The following PPP4R3A variants were observed in gnomAD, a reference collection of about 807,000 sequenced individuals.
PPP4R3A encodes protein phosphatase 4 regulatory subunit 3A.
A neutral mutation model predicts 91.7 loss-of-function variants in PPP4R3A; 15 were observed. The ratio of observed to expected loss-of-function variants is 0.16; its 90% confidence interval spans 0.11 to 0.25. PPP4R3A has a LOEUF of 0.25. PPP4R3A is among the 10% of genes least tolerant of loss of function. PPP4R3A has a pLI of 1.00. For missense variants in PPP4R3A, 623 were observed against 998.4 expected (o/e 0.62, Z 5.07); for synonymous variants, 377 against 348.7 (o/e 1.08, Z -0.91).
chr14:91,464,906 A>G (rs1888384158), intron 11 of PPP4R3A, among the ~76,000 whole-genome samples: 1 of 152,194 alleles, frequency 6.6e-6, no homozygotes, highest in African/African-American at 2.4e-5. Context: ...CAAAGGGTTC[A>G]TGCTCCTAGG....
intron 1 of PPP4R3A, among the ~76,000 whole-genome samples, chr14:91,493,167 T>A (rs994133347): frequency 2.0e-5 from 3 of 151,998 alleles, no homozygotes; most frequent in African/African-American, 7.2e-5. Flanking sequence ...GGTGGGCAGA[T>A]CGCTTGAGGT....
chr14:91,462,732 T>C lies in PPP4R3A; in HGVS notation c.1973+3A>G, dbSNP rs1304258377. 6.2e-7 allele frequency: 1 copy of C among 1,613,670 alleles called. No homozygotes were observed. Among genetic ancestry groups the C allele is most frequent in the African/African-American group, 1.3e-5 (1 of 75,050 alleles). On this transcript the variant is annotated splice_donor_region_variant and intron_variant, in intron 12 of 14. Transcript: ENST00000554943. The stretch of plus-strand genomic sequence containing the variant: ...GAATAGGTTTAAATATATGGTAATT[T>C]ACCTGTCAAGTTTGGGATTATCTTG...
At chr14:91,497,115 G>C (rs1432769372) in intron 1 of PPP4R3A, among the ~76,000 whole-genome samples, 1 of 152,118 alleles carries the variant, frequency 6.6e-6, no homozygotes, top group Non-Finnish European at 1.5e-5. Context: ...AGAGATGACA[G>C]GCGAGAAATG....
intron 1 of PPP4R3A, among the ~76,000 whole-genome samples, chr14:91,509,267 G>A (rs1891616860): frequency 6.6e-6 from 1 of 152,162 alleles, no homozygotes; most frequent in Admixed American, 6.5e-5. Context: ...GCTCAAACAC[G>A]CTTGGCTCTC....
chr14:91,483,256 A>T (rs936894328), intron 3 of PPP4R3A, among the ~76,000 whole-genome samples: 1 of 152,220 alleles, frequency 6.6e-6, no homozygotes, highest in East Asian at 1.9e-4. Context: ...ATTAGACCTT[A>T]TATGGAAAAG....
rs1209782812 is a variant in PPP4R3A, at chr14:91,473,024, TTA to T, written c.1501+7_1501+8del. On this transcript the variant is annotated splice_region_variant and intron_variant, in intron 9 of 14. Coordinates refer to ENST00000554943, the MANE Select transcript of PPP4R3A (RefSeq NM_001366432.2). ...CAGAGAACTTAACTACCAACCTGAA[TTA>T]TCTTACCTTTACTAGGTTTGTCTTC... 6 of 1,611,110 alleles carry T rather than the reference TTA, an allele frequency of 3.7e-6. No homozygotes were observed. The highest frequency in any genetic ancestry group is 2.2e-5 in the East Asian group (1 of 44,848).
In PPP4R3A at chr14:91,458,861, G is replaced by A. The variant is rs576861120; in HGVS notation, c.2400C>T (p.Leu800=). 3.4e-5 allele frequency: 54 copies of A among 1,610,764 alleles called. 1 individual carries two copies. In the South Asian group the frequency reaches 5.3e-4, roughly 16 times the overall value. The change falls in exon 15 of 15, where the codon CTC becomes CTT. Residue 800 remains leucine, a synonymous_variant. Coordinates refer to ENST00000554943, the MANE Select transcript of PPP4R3A (RefSeq NM_001366432.2). ...QTAAITTKGG[L]VGLVDYPDDD... is the part of the protein sequence containing the mutation. Reference sequence around the variant, plus strand: ...CATCAGGATAATCTACCAGACCCACGAGGCCTCCCTGTTAAGAAATAAGGA... The same window carrying A: ...CATCAGGATAATCTACCAGACCCACAAGGCCTCCCTGTTAAGAAATAAGGA...
At chr14:91,489,247 TAAC>T (rs1206449615) in intron 2 of PPP4R3A, among the ~76,000 whole-genome samples, 19 of 152,030 alleles carry the variant, frequency 1.2e-4, no homozygotes, top group Admixed American at 7.2e-4. Flanking sequence ...TGGCAGAAAA[TAAC>T]AATCATCTTG....
In PPP4R3A at chr14:91,460,591, A is replaced by C. The variant is rs570027138; in HGVS notation, c.2391+790T>G. Among the ~76,000 whole-genome samples, 5 of 149,196 alleles carry C rather than the reference A, an allele frequency of 3.4e-5. No homozygotes were observed. The South Asian group carries it at 8.5e-4, about 25-fold the overall frequency. ...ATAAGGAGCCCCCAAAACTGGTTTT[A>C]TTCTGAGATTGCATGTTTTCTACAT... On this transcript the variant is annotated intron_variant, in intron 14 of 14. Coordinates refer to ENST00000554943, the MANE Select transcript of PPP4R3A (RefSeq NM_001366432.2).
intron 9 of PPP4R3A, 80 bp from the exon 10 acceptor site, chr14:91,471,075 C>A: frequency 7.4e-7 from 1 of 1,346,830 alleles, no homozygotes; most frequent in South Asian, 1.5e-5. Context: ...AAATTCTAAT[C>A]AAGTAAAATC....
chr14:91,492,620 T>G (rs1890294223), intron 1 of PPP4R3A, among the ~76,000 whole-genome samples: 1 of 152,156 alleles, frequency 6.6e-6, no homozygotes, highest in African/African-American at 2.4e-5. Flanking sequence ...TAATCCAAAA[T>G]CTCTTTCTTA....
rs959473713 is a variant in PPP4R3A at position 91,475,907 on chromosome 14, T to A, written c.1170A>T (p.Glu390Asp). The change falls in exon 7 of 15, where the codon GAA becomes GAT. Residue 390 changes from glutamate (E) to aspartate (D), a missense_variant. Glu to Asp is a conservative substitution (Grantham distance 45). Coordinates refer to ENST00000554943, the MANE Select transcript of PPP4R3A (RefSeq NM_001366432.2). Reference protein sequence around the residue: ...AATDIFSYLVEYNPSMVREFV... With the variant: ...AATDIFSYLVDYNPSMVREFV... ...ACTCTCGTACCATGGATGGATTATA[T>A]TCAACCAAGTATGAGAATATATCAG... 1 of 1,613,222 alleles carries A rather than the reference T, an allele frequency of 6.2e-7. No individual in the cohort carries two copies. Among genetic ancestry groups the A allele is most frequent in the African/African-American group, 1.3e-5 (1 of 75,038 alleles).
Position 91,480,798 on chromosome 14 carries a change from G to T in PPP4R3A, c.915+778C>A, listed in dbSNP as rs377593579. Among the ~76,000 whole-genome samples, 14 of 152,278 alleles carry T rather than the reference G, an allele frequency of 9.2e-5. No individual in the cohort carries two copies. In the East Asian group the frequency reaches 1.5e-3, roughly 17 times the overall value. On this transcript the variant is annotated intron_variant, in intron 4 of 14. Coordinates refer to ENST00000554943, the MANE Select transcript of PPP4R3A (RefSeq NM_001366432.2). Reference sequence around the variant, plus strand: ...CAACTGTAATCCCAACACTTTGCAAGGCTAAGGTGGGAGAATTGCTTGAAG... The same window carrying T: ...CAACTGTAATCCCAACACTTTGCAATGCTAAGGTGGGAGAATTGCTTGAAG...
At chr14:91,491,286 C>T (rs1225760233) in intron 1 of PPP4R3A, among the ~76,000 whole-genome samples, 1 of 152,080 alleles carries the variant, frequency 6.6e-6, no homozygotes, top group Non-Finnish European at 1.5e-5. Flanking sequence ...TCTCCAACTC[C>T]TGGGCTCAAG....
intron 7 of PPP4R3A, among the ~76,000 whole-genome samples, chr14:91,474,288 G>C (rs899302947): frequency 2.6e-5 from 4 of 152,184 alleles, no homozygotes; most frequent in African/African-American, 9.7e-5. Context: ...TGGTTTTCCT[G>C]AGGTCCTATT....
chr14:91,462,348 A>G (rs1331465545), intron 12 of PPP4R3A, 109 bp from the exon 13 acceptor site: 50 of 1,092,556 alleles, frequency 4.6e-5, no homozygotes, highest in Non-Finnish European at 5.8e-5. Context: ...AAATTTACAA[A>G]TATTAAAGTA....
intron 10 of PPP4R3A, among the ~76,000 whole-genome samples, chr14:91,468,453 C>T (rs918011376): frequency 1.3e-5 from 2 of 151,986 alleles, no homozygotes; most frequent in Non-Finnish European, 2.9e-5. Flanking sequence ...AGGCGGATCA[C>T]GAGGTCAAGA....
chr14:91,486,108 G>A (rs767881953), intron 2 of PPP4R3A, among the ~76,000 whole-genome samples: 7 of 152,174 alleles, frequency 4.6e-5, no homozygotes, highest in Non-Finnish European at 7.3e-5. Flanking sequence ...ATGTTAGGAC[G>A]ATAGGGTTAA....
intron 9 of PPP4R3A, 98 bp downstream of exon 9, chr14:91,472,935 C>T (rs1176360882): frequency 1.9e-6 from 2 of 1,031,742 alleles, no homozygotes; most frequent in African/African-American, 1.6e-5. Flanking sequence ...CCAGCCTCTA[C>T]CTCCCACTAA....
Sources: gnomAD v4.1 joint callset for allele counts (sites outside exome capture counted in the v4.1 genomes callset) on GRCh38, gnomAD v4.1.1 for gene constraint, MANE v1.5 for transcripts, NCBI Gene and HGNC (gene_info 2026-07-23, HGNC 2026-07-21) for gene names.